Variants in PLEKHB2 observed in about 807,000 individuals in gnomAD.
PLEKHB2 encodes pleckstrin homology domain-containing family B member 2.
PLEKHB2 carries 31 observed loss-of-function variants against 36.5 expected under a neutral mutation model. The observed-to-expected ratio is 0.85, with a 90% CI of 0.64 to 1.15. PLEKHB2 has a LOEUF of 1.15. PLEKHB2 is among the 50% of genes most tolerant of loss of function. The pLI is 0.00. For missense variants in PLEKHB2, 262 were observed against 295.3 expected (o/e 0.89, Z 0.83); for synonymous variants, 119 against 112.0 (o/e 1.06, Z -0.39).
In PLEKHB2 at chr2:131,133,553, G is replaced by A. The variant is rs1209572671; in HGVS notation, c.423+562G>A. Among the ~76,000 whole-genome samples, 4 of 152,118 alleles carry A rather than the reference G, an allele frequency of 2.6e-5. No individual in the cohort carries two copies. In the East Asian group the frequency reaches 5.8e-4, roughly 22 times the overall value. ...GTGTTTTCCCCATTTGTTAATATTC[G>A]ATCAAATTAAACCCAGGAATTTGGA... On this transcript the variant is annotated intron_variant, in intron 6 of 7. Coordinates refer to ENST00000693505, the MANE Select transcript of PLEKHB2 (RefSeq NM_001100623.2).
In PLEKHB2 at chr2:131,148,866, T is replaced by C. The variant is rs1159244732; in HGVS notation, c.*2093T>C. 6.6e-6 allele frequency: 1 copy of C among 152,246 alleles called. No individual in the cohort carries two copies. The highest frequency in any genetic ancestry group is 2.4e-5 in the African/African-American group (1 of 41,458). 9.4% of individuals were successfully genotyped at this position (152,246 alleles called of 1,614,324 possible). A position where few individuals can be genotyped will look rare whatever the true frequency, so the allele number is the denominator to read the frequency against. On this transcript the variant is annotated 3_prime_UTR_variant, in exon 8 of 8. Transcript: ENST00000693505. ...TTATAATCGTTATTAAAGCTGTATG[T>C]ACACTTTACTTAAAAACTATTAACA... is the stretch of plus-strand genomic sequence containing the variant.
At chr2:131,119,294 C>T (rs1439578685) in intron 1 of PLEKHB2, among the ~76,000 whole-genome samples, 2 of 152,084 alleles carry the variant, frequency 1.3e-5, no homozygotes, top group Admixed American at 6.6e-5. Flanking sequence ...CTGTTTCAAA[C>T]AGTACAGAAA....
chr2:131,110,888 C>G (rs112822050), intron 1 of PLEKHB2, among the ~76,000 whole-genome samples: 2 of 152,106 alleles, frequency 1.3e-5, no homozygotes. Flanking sequence ...ATTCATCATG[C>G]TGGACAGTCA....
chr2:131,144,309 C>T (rs1699074483), intron 7 of PLEKHB2: 8 of 430,246 alleles, frequency 1.9e-5, no homozygotes, highest in Middle Eastern at 6.1e-4. Flanking sequence ...GTGATTTAAC[C>T]CGCTAGTGGG....
Position 131,136,969 on chromosome 2 carries a change from G to A in PLEKHB2, c.424-3198G>A, listed in dbSNP as rs371815141. ...CTTTCTTTTTTTTTTTTTTTGAGAC[G>A]GAGTCTCACTCTTGTCGCCCAGGCT... On this transcript the variant is annotated intron_variant, in intron 6 of 7. Transcript: ENST00000693505. Among the ~76,000 whole-genome samples the A allele has an allele frequency of 1.1e-3, 153 of 140,822 alleles. 3 individuals are homozygous for A. Among genetic ancestry groups the A allele is most frequent in the African/African-American group, 3.9e-3 (146 of 37,458 alleles). The allele number at this position is 140,822 out of a possible 152,430, so 92.4% of individuals were successfully genotyped here.
rs749001358 is a variant in PLEKHB2 at position 131,126,805 on chromosome 2, T to C, written c.293+19T>C. 7.5e-6 allele frequency: 10 copies of C among 1,336,528 alleles called. No individual in the cohort carries two copies. The East Asian group carries it at 1.4e-4, about 18-fold the overall frequency. 82.8% of individuals were successfully genotyped at this position (1,336,528 alleles called of 1,614,324 possible). A position where few individuals can be genotyped will look rare whatever the true frequency, so the allele number is the denominator to read the frequency against. The stretch of plus-strand genomic sequence containing the variant: ...ATTGCTTGTAAGTTTTGCTTTCTTA[T>C]GTGTTTAATTTAAAAAGTATTTTCT... On this transcript the variant is annotated intron_variant, in intron 4 of 7. Transcript: ENST00000693505.
intron 1 of PLEKHB2, among the ~76,000 whole-genome samples, chr2:131,118,708 A>G (rs909221890): frequency 2.6e-5 from 4 of 151,702 alleles, no homozygotes; most frequent in African/African-American, 9.7e-5. Flanking sequence ...TACTGAAAAT[A>G]CAAGAAAAAA....
At chr2:131,106,445 C>T (rs1233646863) in intron 1 of PLEKHB2, among the ~76,000 whole-genome samples, 1 of 152,136 alleles carries the variant, frequency 6.6e-6, no homozygotes, top group Non-Finnish European at 1.5e-5. Flanking sequence ...CCCGAGCTGG[C>T]ACTGGTAACT....
At chr2:131,123,675 C>T (rs143762902) in intron 2 of PLEKHB2, among the ~76,000 whole-genome samples, 91 of 151,472 alleles carry the variant, frequency 6.0e-4, no homozygotes, top group African/African-American at 2.1e-3. Flanking sequence ...CAGGTGTGCG[C>T]CACCATGCCA....
At chr2:131,124,658 C>G (rs2104859848) in intron 2 of PLEKHB2, among the ~76,000 whole-genome samples, 1 of 152,290 alleles carries the variant, frequency 6.6e-6, no homozygotes, top group South Asian at 2.1e-4. Context: ...TGGTCTATAT[C>G]CTGCTGTGCT....
rs775571760 is a variant in PLEKHB2, at chr2:131,146,823, A to AC, written c.*50_*51insC. ...AGCTTCTGATAACCCTGTGTGCAATAATATGATTTGCAGGGCATTTCTGTT... is the reference window on the plus strand; with the variant it reads ...AGCTTCTGATAACCCTGTGTGCAATACATATGATTTGCAGGGCATTTCTGTT... On this transcript the variant is annotated 3_prime_UTR_variant, in exon 8 of 8. Coordinates refer to ENST00000693505, the MANE Select transcript of PLEKHB2 (RefSeq NM_001100623.2). 1 of 1,467,186 alleles carries AC rather than the reference A, an allele frequency of 6.8e-7. No homozygotes were observed. Among genetic ancestry groups the AC allele is most frequent in the Non-Finnish European group, 9.2e-7 (1 of 1,088,036 alleles). 90.9% of individuals were successfully genotyped at this position (1,467,186 alleles called of 1,614,324 possible).
intron 1 of PLEKHB2, among the ~76,000 whole-genome samples, chr2:131,114,379 C>G (rs535026478): frequency 7.9e-5 from 12 of 152,334 alleles, no homozygotes; most frequent in African/African-American, 2.9e-4. Flanking sequence ...CCTCCTCAGC[C>G]TCCCAAAGTG....
intron 2 of PLEKHB2, among the ~76,000 whole-genome samples, chr2:131,124,656 A>G (rs1005974852): frequency 1.3e-5 from 2 of 152,150 alleles, no homozygotes; most frequent in East Asian, 3.9e-4. Context: ...CCTGGTCTAT[A>G]TCCTGCTGTG....
At chr2:131,146,560 A>G in intron 7 of PLEKHB2, 77 bp from the exon 8 acceptor site, 1 of 1,451,560 alleles carries the variant, frequency 6.9e-7, no homozygotes, top group Admixed American at 2.0e-5. Context: ...CTTTTGTGAA[A>G]GGAGAACTGG....
intron 3 of PLEKHB2, 142 bp downstream of exon 3, chr2:131,126,047 C>T: frequency 1.3e-5 from 9 of 695,736 alleles, no homozygotes; most frequent in Non-Finnish European, 2.1e-5. Context: ...ACAGTGGGGC[C>T]CCAGGCACTT....
chr2:131,105,612 C>T (rs1360002763), intron 1 of PLEKHB2, among the ~76,000 whole-genome samples: 3 of 152,076 alleles, frequency 2.0e-5, no homozygotes, highest in African/African-American at 7.2e-5. Flanking sequence ...TCCCCAGGTC[C>T]GCCCTCTCAG....
intron 2 of PLEKHB2, among the ~76,000 whole-genome samples, chr2:131,121,471 C>T (rs953535218): frequency 9.9e-5 from 15 of 152,060 alleles, no homozygotes; most frequent in African/African-American, 3.4e-4. Context: ...TGGTCTCAAA[C>T]TCCCGACCTC....
chr2:131,135,491 C>G (rs1698148428), intron 6 of PLEKHB2, among the ~76,000 whole-genome samples: 1 of 152,150 alleles, frequency 6.6e-6, no homozygotes, highest in Non-Finnish European at 1.5e-5. Flanking sequence ...ACCTTTATGC[C>G]TTCTGTTTCC....
At chr2:131,122,781 T>TAC (rs1696647427) in intron 2 of PLEKHB2, among the ~76,000 whole-genome samples, 1 of 152,218 alleles carries the variant, frequency 6.6e-6, no homozygotes, top group Non-Finnish European at 1.5e-5. Flanking sequence ...GTTAGTCCTG[T>TAC]AGTCTTAGAA....
Sources: gnomAD v4.1 joint callset for allele counts (sites outside exome capture counted in the v4.1 genomes callset) on GRCh38, gnomAD v4.1.1 for gene constraint, MANE v1.5 for transcripts, NCBI Gene and HGNC (gene_info 2026-07-23, HGNC 2026-07-21) for gene names.